Variants in ADGRD1 observed in about 807,000 individuals in gnomAD.
ADGRD1 encodes the protein adhesion G protein-coupled receptor D1, also known as G-protein coupled receptor 133.
Under a neutral mutation model 113.4 loss-of-function variants are expected in ADGRD1, and 77 were observed. The observed-to-expected ratio is 0.68, with a 90% CI of 0.57 to 0.82. The LOEUF (loss-of-function observed/expected upper bound fraction) is 0.82. Among genes scored for constraint, ADGRD1 ranks in the 40% least tolerant of loss-of-function variants. The pLI, the probability that ADGRD1 is intolerant of heterozygous loss-of-function variation, is 0.00. For missense variants in ADGRD1, 1,036 were observed against 1,139.1 expected (o/e 0.91, Z 1.30); for synonymous variants, 474 against 475.0 (o/e 1.00, Z 0.03).
chr12:131,003,178 G>T lies in ADGRD1; in HGVS notation c.1027-7G>T. 5 of 1,607,548 alleles carry T rather than the reference G, an allele frequency of 3.1e-6. No homozygotes were observed. The South Asian group carries it at 3.3e-5, about 11-fold the overall frequency. ...TTTCATGGCTCCTGGTGCTTGTGTT[G>T]CTGCAGGACAGCGCCGTGGTACTGA... On this transcript the variant is annotated splice_region_variant and splice_polypyrimidine_tract_variant and intron_variant, in intron 9 of 24. Transcript: ENST00000261654. This position sits in a 1 kb window ranked among gnomAD's most constrained non-coding sequence, Gnocchi z 4.8.
chr12:131,108,217 G>T (rs1267952646), intron 17 of ADGRD1, among the ~76,000 whole-genome samples: 2 of 152,228 alleles, frequency 1.3e-5, no homozygotes, highest in African/African-American at 2.4e-5. Context: ...CAACTTGGAA[G>T]CTGCAGTCAA....
chr12:130,993,997 C>A (rs1035942452), intron 8 of ADGRD1: 27 of 165,736 alleles, frequency 1.6e-4, no homozygotes, highest in Non-Finnish European at 2.7e-4. Flanking sequence ...GCTGAGACAC[C>A]CCCTCACATC....
At chr12:131,064,108 T>C (rs1189324804) in intron 13 of ADGRD1, among the ~76,000 whole-genome samples, 1 of 152,240 alleles carries the variant, frequency 6.6e-6, no homozygotes, top group Non-Finnish European at 1.5e-5. Flanking sequence ...TTGACATAAA[T>C]GCTCATACCA....
intron 4 of ADGRD1, chr12:130,978,344 T>A (rs931492095): frequency 6.6e-6 from 1 of 152,224 alleles, no homozygotes; most frequent in Non-Finnish European, 1.5e-5. Context: ...TTATTTTTCC[T>A]TTTTTTGTCT....
chr12:130,994,395 T>G, intron 8 of ADGRD1: 1 of 273,340 alleles, frequency 3.7e-6, no homozygotes. Context: ...ACTAGTGCCC[T>G]GCCTGTAGCT....
At chr12:131,016,235 A>G (rs538109471) in intron 13 of ADGRD1, among the ~76,000 whole-genome samples, 8 of 152,334 alleles carry the variant, frequency 5.3e-5, no homozygotes, top group African/African-American at 1.9e-4. Flanking sequence ...CTAATCAGTA[A>G]TCCCTTAAAT....
At chr12:131,097,652 G>A (rs1459096964) in intron 15 of ADGRD1, among the ~76,000 whole-genome samples, 1 of 152,232 alleles carries the variant, frequency 6.6e-6, no homozygotes, top group Admixed American at 6.5e-5. Flanking sequence ...AAGGGCAGGA[G>A]TGCAGCCCAG....
intron 18 of ADGRD1, among the ~76,000 whole-genome samples, chr12:131,116,894 T>A (rs1473735976): frequency 1.3e-5 from 2 of 152,230 alleles, no homozygotes; most frequent in African/African-American, 4.8e-5. Flanking sequence ...TAACGAGAAG[T>A]GTGTTCTTTT....
rs529852774 is a variant in ADGRD1 at position 131,076,677 on chromosome 12, C to T, written c.1474-124C>T. On this transcript the variant is annotated intron_variant, in intron 13 of 24. Transcript: ENST00000261654. ...ACCCACAATGGATGGAGATAGACATCAGTGGCTATGCCTGTCCCTACCTGA... is the reference window on the plus strand; with the variant it reads ...ACCCACAATGGATGGAGATAGACATTAGTGGCTATGCCTGTCCCTACCTGA... The T allele has an allele frequency of 8.7e-5, 67 of 770,252 alleles. No homozygotes were observed. The East Asian group carries it at 1.6e-3, about 19-fold the overall frequency. The allele number at this position is 770,252 out of a possible 1,614,324, so 47.7% of individuals were successfully genotyped here. A position where few individuals can be genotyped will look rare whatever the true frequency, so the allele number is the denominator to read the frequency against.
Position 131,076,887 on chromosome 12 carries a change from C to T in ADGRD1, c.1547+13C>T, listed in dbSNP as rs772901265. 2 of 1,610,050 alleles carry T rather than the reference C, an allele frequency of 1.2e-6. No individual in the cohort carries two copies. Among genetic ancestry groups the T allele is most frequent in the Admixed American group, 1.7e-5 (1 of 60,010 alleles). On this transcript the variant is annotated intron_variant, in intron 14 of 24. Transcript: ENST00000261654. ...TCCTGGACTTCAGGTACCCTCTGCA[C>T]AGGGGAGAGCAGGTGGGCATGAGGT...
chr12:131,037,845 CACCGGGT>C (rs1235746565), intron 13 of ADGRD1, among the ~76,000 whole-genome samples: 1 of 149,130 alleles, frequency 6.7e-6, no homozygotes, highest in African/African-American at 2.5e-5. Flanking sequence ...TCACTCACTG[CACCGGGT>C]CTCACTCACT....
At chr12:131,067,291 C>T (rs183316969) in intron 13 of ADGRD1, among the ~76,000 whole-genome samples, 159 of 152,256 alleles carry the variant, frequency 1.0e-3, no homozygotes, top group Non-Finnish European at 1.8e-3. Context: ...GAATGGAGGA[C>T]GGAGATGCAG....
intron 2 of ADGRD1, among the ~76,000 whole-genome samples, chr12:130,959,240 G>A (rs936565459): frequency 6.6e-6 from 1 of 152,136 alleles, no homozygotes; most frequent in Non-Finnish European, 1.5e-5. Flanking sequence ...TCTGATTCTG[G>A]CACTCAGCAC....
intron 5 of ADGRD1, among the ~76,000 whole-genome samples, chr12:130,982,948 T>G (rs1873197443): frequency 6.6e-6 from 1 of 152,062 alleles, no homozygotes; most frequent in Non-Finnish European, 1.5e-5. Context: ...CCTAGGATGA[T>G]CTCCTCCGGT....
At chr12:130,983,882 C>A (rs1265752180) in intron 5 of ADGRD1, among the ~76,000 whole-genome samples, 1 of 152,126 alleles carries the variant, frequency 6.6e-6, no homozygotes, top group Non-Finnish European at 1.5e-5. Flanking sequence ...CACATGCTGG[C>A]AGAACAAAGG....
At chr12:131,092,279 A>G (rs191298111) in intron 15 of ADGRD1, among the ~76,000 whole-genome samples, 89 of 152,310 alleles carry the variant, frequency 5.8e-4, no homozygotes, top group South Asian at 2.3e-3. Context: ...CACACACCCA[A>G]TGAAGGTGCT....
At chr12:131,043,495 A>G (rs929299609) in intron 13 of ADGRD1, among the ~76,000 whole-genome samples, 3 of 152,338 alleles carry the variant, frequency 2.0e-5, no homozygotes, top group Admixed American at 2.0e-4. Context: ...TGTGGAACGC[A>G]CGGCTTTGTC....
chr12:131,062,636 G>A (rs1486911818), intron 13 of ADGRD1, among the ~76,000 whole-genome samples: 2 of 152,106 alleles, frequency 1.3e-5, no homozygotes, highest in African/African-American at 4.8e-5. Context: ...CCCTGCGAAA[G>A]CTCTCTCTTA....
intron 12 of ADGRD1, among the ~76,000 whole-genome samples, chr12:131,010,406 G>A (rs1342016324): frequency 6.6e-6 from 1 of 152,224 alleles, no homozygotes; most frequent in African/African-American, 2.4e-5. Flanking sequence ...TCCCCAATGT[G>A]ACATGGTAAC....
Sources: allele counts gnomAD v4.1 joint callset (sites outside exome capture counted in the v4.1 genomes callset), GRCh38; gene constraint gnomAD v4.1.1; non-coding constraint Gnocchi (gnomAD v3.1); transcripts MANE v1.5; gene names NCBI Gene and HGNC (gene_info 2026-07-23, HGNC 2026-07-21).